Variants in ARHGAP12 observed in about 807,000 individuals in gnomAD.
ARHGAP12 encodes the protein Rho GTPase activating protein 12, also known as rho GTPase-activating protein 12.
A neutral mutation model predicts 108.6 loss-of-function variants in ARHGAP12; 64 were observed. The ratio of observed to expected loss-of-function variants is 0.59; its 90% confidence interval spans 0.48 to 0.73. The LOEUF (loss-of-function observed/expected upper bound fraction) is 0.73. Ranked by LOEUF, ARHGAP12 falls within the 30% of genes least tolerant of loss-of-function variation. The probability of loss-of-function intolerance (pLI) is 0.00; values close to 1 mark genes in which losing one functional copy is unlikely to be tolerated. For synonymous variants in ARHGAP12, 312 were observed against 337.2 expected, an observed-to-expected ratio of 0.93 and a Z score of 0.82; for missense variants, 940 against 1,005.9, an observed-to-expected ratio of 0.93 and a Z score of 0.89.
chr10:31,866,694 C>T (rs1245054602), intron 3 of ARHGAP12, among the ~76,000 whole-genome samples: 2 of 152,096 alleles, frequency 1.3e-5, no homozygotes, highest in East Asian at 3.9e-4. Context: ...CGGATCACCA[C>T]AACCTCTGCC....
chr10:31,834,676 T>C (rs1300603254), intron 9 of ARHGAP12, among the ~76,000 whole-genome samples: 1 of 152,212 alleles, frequency 6.6e-6, no homozygotes, highest in Non-Finnish European at 1.5e-5. Context: ...ATCTGTTATG[T>C]TCATCAATAA....
chr10:31,879,422 C>A (rs1837853712), intron 3 of ARHGAP12, among the ~76,000 whole-genome samples: 1 of 152,104 alleles, frequency 6.6e-6, no homozygotes, highest in Admixed American at 6.5e-5. Flanking sequence ...AAGAATATTT[C>A]TCTTGTTTAA....
chr10:31,900,823 A>G (rs531590048), intron 3 of ARHGAP12, among the ~76,000 whole-genome samples: 1 of 145,750 alleles, frequency 6.9e-6, no homozygotes, highest in Non-Finnish European at 1.5e-5. Context: ...ATGAACCCCA[A>G]TGTATGCAAA....
Position 31,920,311 on chromosome 10 carries a change from G to T in ARHGAP12, c.-111+8372C>A, listed in dbSNP as rs536821616. Among the ~76,000 whole-genome samples the T allele has an allele frequency of 1.1e-4, 16 of 150,888 alleles. No homozygotes were observed. In the East Asian group the frequency reaches 2.9e-3, roughly 28 times the overall value. On this transcript the variant is annotated intron_variant, in intron 1 of 19. Coordinates refer to ENST00000344936, the MANE Select transcript of ARHGAP12 (RefSeq NM_018287.7). The stretch of plus-strand genomic sequence containing the variant: ...CTAAAAATACAGAAATTAGCCAGGC[G>T]TGGTGGTGGGTGCCTGTAATCCCAG...
rs751670997 is a variant in ARHGAP12 at position 31,843,488 on chromosome 10, G to A, written c.1269C>T (p.Ser423=). ...EPIVLTKWRH[S]TIVLDTNDKE... ...TATCATTAGTGTCCAATACAATGGT[G>A]CTATGTCTCCACTTTGTTAATACTA... Residue 423 remains serine, a synonymous_variant, in exon 7 of 20, where the codon AGC becomes AGT. Transcript: ENST00000344936. 4.3e-6 allele frequency: 7 copies of A among 1,613,050 alleles called. No individual in the cohort carries two copies. The highest frequency in any genetic ancestry group is 5.9e-6 in the Non-Finnish European group (7 of 1,179,538).
intron 15 of ARHGAP12, 99 bp from the exon 16 acceptor site, chr10:31,810,846 C>A: frequency 1.1e-6 from 1 of 879,138 alleles, no homozygotes; most frequent in Non-Finnish European, 1.8e-6. Flanking sequence ...CCAGCGTAAC[C>A]AAATATTGTT....
At chr10:31,918,190 CACA>C (rs1215308690) in intron 1 of ARHGAP12, among the ~76,000 whole-genome samples, 1 of 151,956 alleles carries the variant, frequency 6.6e-6, no homozygotes, top group Non-Finnish European at 1.5e-5. Context: ...ATTTTTGACT[CACA>C]ACATTTTTGA....
At chr10:31,915,238 T>C (rs1714372692) in intron 1 of ARHGAP12, among the ~76,000 whole-genome samples, 1 of 151,868 alleles carries the variant, frequency 6.6e-6, no homozygotes. Context: ...AATACAAAAT[T>C]AGCCAGGCGT....
Position 31,921,763 on chromosome 10 carries a change from C to CAAAAAAA in ARHGAP12, c.-111+6913_-111+6919dup, listed in dbSNP as rs57420280. On this transcript the variant is annotated intron_variant, in intron 1 of 19. Coordinates refer to ENST00000344936, the MANE Select transcript of ARHGAP12 (RefSeq NM_018287.7). ...TGGGTGACAGAGCAAGGCTCCATCTCAAAAAAAAAAAAAAAAAAAAAAAAA... is the reference window on the plus strand; with the variant it reads ...TGGGTGACAGAGCAAGGCTCCATCTCAAAAAAAAAAAAAAAAAAAAAAAAAAAAAAAA... 1.0e-3 allele frequency among the ~76,000 whole-genome samples: 38 copies of CAAAAAAA among 37,930 alleles called. 1 individual carries two copies. Among genetic ancestry groups the CAAAAAAA allele is most frequent in the African/African-American group, 2.8e-3 (33 of 11,766 alleles). 24.9% of individuals were successfully genotyped at this position (37,930 alleles called of 152,430 possible). A position where few individuals can be genotyped will look rare whatever the true frequency, so the allele number is the denominator to read the frequency against.
intron 3 of ARHGAP12, among the ~76,000 whole-genome samples, chr10:31,886,161 A>G (rs1296465737): frequency 1.3e-5 from 2 of 152,252 alleles, no homozygotes; most frequent in African/African-American, 4.8e-5. Flanking sequence ...TTTCTCAACA[A>G]AAATGCAAAA....
chr10:31,900,805 C>A (rs891125137), intron 3 of ARHGAP12, among the ~76,000 whole-genome samples: 6 of 151,698 alleles, frequency 4.0e-5, no homozygotes, highest in Non-Finnish European at 1.5e-5. Context: ...AAGTTTACCA[C>A]ACAAAGAATG....
chr10:31,897,446 C>T (rs1202868517), intron 3 of ARHGAP12, among the ~76,000 whole-genome samples: 5 of 152,068 alleles, frequency 3.3e-5, no homozygotes, highest in Non-Finnish European at 7.4e-5. Flanking sequence ...GCCTCCAGTA[C>T]ATCAACAGTG....
chr10:31,894,446 C>T lies in ARHGAP12; in HGVS notation c.684+13726G>A, dbSNP rs577165640. 4.4e-4 allele frequency among the ~76,000 whole-genome samples: 67 copies of T among 152,142 alleles called. No homozygotes were observed. The Middle Eastern group carries it at 0.017, about 39-fold the overall frequency. On this transcript the variant is annotated intron_variant, in intron 3 of 19. Coordinates refer to ENST00000344936, the MANE Select transcript of ARHGAP12 (RefSeq NM_018287.7). The stretch of plus-strand genomic sequence containing the variant: ...TGCAAAAATCACAAGCATTCTTATA[C>T]ACCAATAACAGACAAACAGAGAGCC...
In ARHGAP12 at chr10:31,809,123, T is replaced by G. The variant is rs1415852690; in HGVS notation, c.2134A>C (p.Lys712Gln). The change falls in exon 18 of 20, where the codon AAA becomes CAA. Residue 712 changes from lysine to glutamine, a missense_variant. Coordinates refer to ENST00000344936, the MANE Select transcript of ARHGAP12 (RefSeq NM_018287.7). The part of the protein sequence containing the change: ...KLRFAVNHDE[K>Q]LDLNDSKWED... ...CATTTACTGTCATTCAAGTCCAATT[T>G]CTCATCTGAAAAACAGCAGGAATTG... 1 of 1,613,276 alleles carries G rather than the reference T, an allele frequency of 6.2e-7. No homozygotes were observed. The highest frequency in any genetic ancestry group is 1.1e-5 in the South Asian group (1 of 90,954).
chr10:31,868,437 A>G (rs936055360), intron 3 of ARHGAP12, among the ~76,000 whole-genome samples: 1 of 152,094 alleles, frequency 6.6e-6, no homozygotes, highest in Non-Finnish European at 1.5e-5. Flanking sequence ...TGAGGGGACA[A>G]GGATGTGGGG....
intron 6 of ARHGAP12, among the ~76,000 whole-genome samples, chr10:31,847,511 G>A (rs990194845): frequency 6.6e-6 from 1 of 152,130 alleles, no homozygotes; most frequent in Non-Finnish European, 1.5e-5. Context: ...CAAAGATTTT[G>A]CTATGTTAAT....
chr10:31,849,052 G>A (rs189281570), intron 6 of ARHGAP12, among the ~76,000 whole-genome samples: 3 of 150,166 alleles, frequency 2.0e-5, no homozygotes, highest in East Asian at 3.9e-4. Flanking sequence ...AGCGAGACTC[G>A]TCTTTAAAAA....
chr10:31,862,711 C>CACAG (rs1298369252), intron 3 of ARHGAP12, among the ~76,000 whole-genome samples: 104 of 55,896 alleles, frequency 1.9e-3, no homozygotes, highest in African/African-American at 5.7e-3. Context: ...CACAGACACA[C>CACAG]ACACACACAC....
intron 6 of ARHGAP12, among the ~76,000 whole-genome samples, chr10:31,850,094 C>G (rs1251407166): frequency 6.6e-6 from 1 of 152,130 alleles, no homozygotes; most frequent in African/African-American, 2.4e-5. Flanking sequence ...GTCATTACTC[C>G]AGGGAATCAG....
Sources: gnomAD v4.1 joint callset for allele counts (sites outside exome capture counted in the v4.1 genomes callset) on GRCh38, gnomAD v4.1.1 for gene constraint, MANE v1.5 for transcripts, NCBI Gene and HGNC (gene_info 2026-07-23, HGNC 2026-07-21) for gene names.